The following GNAS variants were observed in gnomAD, a reference collection of about 807,000 sequenced individuals.
GNAS encodes the protein GNAS complex locus.
In GNAS, 8 loss-of-function variants were observed where a neutral mutation model predicts 54.5. The ratio of observed to expected loss-of-function variants is 0.15; its 90% CI spans 0.09 to 0.26. The LOEUF (loss-of-function observed/expected upper bound fraction) is 0.26, where lower values mean the gene tolerates loss of function less well. Ranked by LOEUF, GNAS falls within the 10% of genes least tolerant of loss-of-function variation. GNAS has a pLI of 1.00. For missense variants in GNAS, 170 were observed against 529.8 expected, an observed-to-expected ratio of 0.32 and a Z score of 6.67; for synonymous variants, 204 against 191.4, an observed-to-expected ratio of 1.07 and a Z score of -0.54.
chr20:58,910,035 T>A lies in GNAS; in HGVS notation c.924T>A (p.Ile308=), dbSNP rs2146292719. ...AAGTCCTTGCTGGGAAATCGAAGAT[T>A]GAGGACTACTTTCCAGAATTTGCTC... ...AEKVLAGKSK[I]EDYFPEFARY... is the part of the protein sequence containing the mutation. Residue 308 remains isoleucine (I), a synonymous_variant, in exon 11 of 13, where the codon ATT becomes ATA. Coordinates refer to ENST00000371085, the MANE Select transcript of GNAS (RefSeq NM_000516.7). This position sits in a 1 kb window ranked among gnomAD's most constrained non-coding sequence, Gnocchi z 5.8. 1 of 1,613,668 alleles carries A rather than the reference T, an allele frequency of 6.2e-7. No individual in the cohort carries two copies. Among genetic ancestry groups the A allele is most frequent in the Non-Finnish European group, 8.5e-7 (1 of 1,179,552 alleles).
At chr20:58,908,920 G>C (rs566105991) in intron 6 of GNAS, 2 of 604,356 alleles carry the variant, frequency 3.3e-6, no homozygotes, top group Non-Finnish European at 6.0e-6. Flanking sequence ...GCTGCTAGAC[G>C]CATCTAGAGT....
At chr20:58,855,480 G>A in intron 1 of GNAS, 1 of 804,324 alleles carries the variant, frequency 1.2e-6, no homozygotes, top group South Asian at 1.4e-5. Context: ...AAGTTCCAGG[G>A]AGGGACCCTA....
intron 3 of GNAS, chr20:58,900,085 A>T: frequency 2.7e-5 from 14 of 522,504 alleles, no homozygotes; most frequent in Non-Finnish European, 4.6e-5. Flanking sequence ...GGGAGGGGGG[A>T]TGGGGCCCCT....
chr20:58,862,806 A>G (rs1398221480), intron 1 of GNAS, among the ~76,000 whole-genome samples: 6 of 151,856 alleles, frequency 4.0e-5, no homozygotes, highest in Non-Finnish European at 8.8e-5. Context: ...ATGAGGAGAT[A>G]ACTTACTTTT....
intron 1 of GNAS, among the ~76,000 whole-genome samples, chr20:58,866,990 A>G (rs1217839087): frequency 6.6e-6 from 1 of 152,242 alleles, no homozygotes; most frequent in African/African-American, 2.4e-5. Context: ...GACATGTAAA[A>G]TTTAAAGTAT....
intron 1 of GNAS, chr20:58,854,486 C>A: frequency 6.3e-7 from 1 of 1,582,916 alleles, no homozygotes; most frequent in African/African-American, 1.4e-5. Flanking sequence ...CCGGGGCAAC[C>A]CCAGAAGATC....
rs1358764176 is a variant in GNAS at position 58,891,657 on chromosome 20, G to C, written c.-70G>C. 4 of 967,270 alleles carry C rather than the reference G, an allele frequency of 4.1e-6. No individual in the cohort carries two copies. The highest frequency in any genetic ancestry group is 3.8e-5 in the African/African-American group (2 of 53,190). The allele number at this position is 967,270 out of a possible 1,614,324, so 59.9% of individuals were successfully genotyped here. A position where few individuals can be genotyped will look rare whatever the true frequency, so the allele number is the denominator to read the frequency against. On this transcript the variant is annotated 5_prime_UTR_variant, in exon 1 of 13. Coordinates refer to ENST00000371085, the MANE Select transcript of GNAS (RefSeq NM_000516.7). ...CGCCCGGCGCTGCCCCGGCCCTCCC[G>C]GCCCGCGTGAGGCCGCCCGCGCCCG...
At chr20:58,867,691 G>A (rs571790951) in intron 1 of GNAS, 4 of 152,304 alleles carry the variant, frequency 2.6e-5, no homozygotes, top group South Asian at 2.1e-4. Context: ...ATCGGGAAAA[G>A]GCTAAAGTTT....
chr20:58,853,008 G>A lies in GNAS; in HGVS notation c.43+12122G>A. The stretch of plus-strand genomic sequence containing the variant: ...GATAGACCAAGGAAGAGGGGCTGGG[G>A]GGCAGCCTGGGGGCATGAAAAGTGG... On this transcript the variant is annotated intron_variant, in intron 1 of 12. Coordinates refer to the GNAS transcript ENST00000306090. This position sits in a 1 kb window ranked among gnomAD's most constrained non-coding sequence, Gnocchi z 4.4. The A allele has an allele frequency of 1.6e-6, 2 of 1,287,938 alleles. No homozygotes were observed. The highest frequency in any genetic ancestry group is 3.2e-5 in the East Asian group (1 of 30,772). The allele number at this position is 1,287,938 out of a possible 1,614,324, so 79.8% of individuals were successfully genotyped here. A position where few individuals can be genotyped will look rare whatever the true frequency, so the allele number is the denominator to read the frequency against.
At chr20:58,869,859 C>G (rs1334666147) in intron 1 of GNAS, among the ~76,000 whole-genome samples, 1 of 152,208 alleles carries the variant, frequency 6.6e-6, no homozygotes, top group African/African-American at 2.4e-5. Context: ...TGCCTTGGGG[C>G]AGGCCACTTC....
intron 3 of GNAS, chr20:58,902,987 C>T (rs770557901): frequency 6.9e-5 from 14 of 204,130 alleles, no homozygotes; most frequent in Non-Finnish European, 1.3e-4. Flanking sequence ...CTGCCCGCCT[C>T]AGCCTCCCAA....
At chr20:58,896,317 A>C (rs993901306) in intron 2 of GNAS, among the ~76,000 whole-genome samples, 1 of 152,132 alleles carries the variant, frequency 6.6e-6, no homozygotes, top group Non-Finnish European at 1.5e-5. Context: ...TGCCTACAGA[A>C]AAGAAGAGGG....
chr20:58,840,099 C>T (rs1368549153), upstream of GNAS: 1 of 1,610,374 alleles, frequency 6.2e-7, no homozygotes, highest in East Asian at 2.2e-5. This position sits in a 1 kb window ranked among gnomAD's most constrained non-coding sequence, Gnocchi z 6.0. Context: ...CGGTGTGTGC[C>T]TAAGAGGATG....
upstream of GNAS, chr20:58,888,698 G>C (rs1379193377): frequency 6.6e-6 from 1 of 152,208 alleles, no homozygotes; most frequent in East Asian, 1.9e-4. Flanking sequence ...CACTCCCATC[G>C]CACTTTTCTC....
intron 1 of GNAS, among the ~76,000 whole-genome samples, chr20:58,884,112 A>G (rs6026576): frequency 0.61 from 93,406 of 152,052 alleles, 28,973 homozygotes; most frequent in East Asian, 0.72. Context: ...GGCCCAGTCT[A>G]AATCTCAGTT....
intron 6 of GNAS, among the ~76,000 whole-genome samples, chr20:58,907,532 TG>T (rs1031805245): frequency 6.6e-6 from 1 of 152,274 alleles, no homozygotes; most frequent in East Asian, 1.9e-4. Flanking sequence ...TTTTGAATGC[TG>T]GGGGGGCAGG....
chr20:58,861,488 T>G (rs1441559959), intron 1 of GNAS, among the ~76,000 whole-genome samples: 1 of 152,158 alleles, frequency 6.6e-6, no homozygotes, highest in African/African-American at 2.4e-5. Flanking sequence ...CCCATCAGAT[T>G]CCTGTTCTGG....
At chr20:58,844,189 A>T (rs1256853171) in intron 1 of GNAS, 1 of 152,218 alleles carries the variant, frequency 6.6e-6, no homozygotes, top group African/African-American at 2.4e-5. Context: ...ACTGAGCAGA[A>T]ACCATGGTGT....
intron 1 of GNAS, chr20:58,892,145 CGCTCT>C: frequency 1.0e-6 from 1 of 960,874 alleles, no homozygotes; most frequent in Non-Finnish European, 1.2e-6. Context: ...CTCTCGCTCT[CGCTCT>C]CCCCCTCTTT....
Sources: gnomAD v4.1 joint callset for allele counts (sites outside exome capture counted in the v4.1 genomes callset) on GRCh38, gnomAD v4.1.1 for gene constraint, Gnocchi (gnomAD v3.1) non-coding constraint, MANE v1.5 for transcripts, NCBI Gene and HGNC (gene_info 2026-07-23, HGNC 2026-07-21) for gene names.